MDN1: variants seen among roughly 807,000 people sequenced by gnomAD.
MDN1 encodes midasin AAA ATPase 1, also known as midasin.
Under a neutral mutation model 669.2 loss-of-function variants are expected in MDN1, and 266 were observed. The observed-to-expected ratio is 0.40, with a 90% CI of 0.36 to 0.44. MDN1 has a LOEUF of 0.44. Ranked by LOEUF, MDN1 falls within the 20% of genes least tolerant of loss-of-function variation. The pLI is 1.00. For synonymous variants in MDN1, 2,385 were observed against 2,457.1 expected, an observed-to-expected ratio of 0.97 and a Z score of 0.87; for missense variants, 5,940 against 6,754.0, an observed-to-expected ratio of 0.88 and a Z score of 4.22.
chr6:89,798,079 G>A (rs956871687), intron 2 of MDN1, among the ~76,000 whole-genome samples: 3 of 151,588 alleles, frequency 2.0e-5, no homozygotes, highest in African/African-American at 7.3e-5. Flanking sequence ...CTACTCAGGA[G>A]GCTGAGGCAG....
intron 2 of MDN1, among the ~76,000 whole-genome samples, chr6:89,802,251 C>T (rs9344960): frequency 0.04 from 6,147 of 152,216 alleles, 653 homozygotes; most frequent in East Asian, 0.4. Flanking sequence ...TTTAGAAAAG[C>T]TCAGACCAAC....
intron 73 of MDN1, 77 bp from the exon 74 acceptor site, chr6:89,680,828 G>C: frequency 6.7e-7 from 1 of 1,490,426 alleles, no homozygotes; most frequent in South Asian, 1.3e-5. Context: ...AAATTTAACT[G>C]TTGCACACAA....
chr6:89,692,348 T>C, intron 63 of MDN1, 95 bp downstream of exon 63: 1 of 1,078,576 alleles, frequency 9.3e-7, no homozygotes, highest in South Asian at 1.6e-5. Flanking sequence ...ACACTGTGTA[T>C]CTACTAGGCA....
At chr6:89,737,723 AT>A (rs369806177) in intron 33 of MDN1, among the ~76,000 whole-genome samples, 87,597 of 128,728 alleles carry the variant, frequency 0.68, 29,830 homozygotes, top group East Asian at 0.88. Flanking sequence ...TCCCAGCCTA[AT>A]TTTTTTTTTT....
intron 34 of MDN1, among the ~76,000 whole-genome samples, chr6:89,731,212 T>C (rs1405680557): frequency 6.6e-6 from 1 of 152,218 alleles, no homozygotes; most frequent in Non-Finnish European, 1.5e-5. Flanking sequence ...TTTTTATTTA[T>C]ATTTCAAATC....
intron 37 of MDN1, among the ~76,000 whole-genome samples, chr6:89,726,482 G>GAAAAAAAAAAAAAGAAAAAAA (rs1815245712): frequency 9.9e-5 from 9 of 90,930 alleles, no homozygotes; most frequent in South Asian, 4.0e-4. Context: ...AAGAAAAATA[G>GAAAAAAAAAAAAAGAAAAAAA]AAAAAAAAAA....
chr6:89,743,378 T>A, intron 30 of MDN1, 98 bp from the exon 31 acceptor site: 2 of 1,489,576 alleles, frequency 1.3e-6, no homozygotes, highest in African/African-American at 1.4e-5. Context: ...GTAGGCATTC[T>A]GAGGAAAGTA....
At chr6:89,767,474 G>C (rs1489606841) in intron 15 of MDN1, among the ~76,000 whole-genome samples, 1 of 152,112 alleles carries the variant, frequency 6.6e-6, no homozygotes, top group Non-Finnish European at 1.5e-5. Flanking sequence ...AATCAATCTA[G>C]GGCAGGGCAC....
In MDN1 at chr6:89,761,779, A is replaced by G. The variant is rs757555572; in HGVS notation, c.2357-31T>C. On this transcript the variant is annotated intron_variant, in intron 16 of 101. Coordinates refer to ENST00000369393, the MANE Select transcript of MDN1 (RefSeq NM_014611.3). ...AAAGAAAGACAAGAATTCAGCACAC[A>G]TTTTGAATTGTAATATATACAACTT... The G allele has an allele frequency of 4.1e-6, 6 of 1,449,070 alleles. No individual in the cohort carries two copies. In the South Asian group the frequency reaches 7.2e-5, roughly 17 times the overall value. 89.8% of individuals were successfully genotyped at this position (1,449,070 alleles called of 1,614,324 possible). A position where few individuals can be genotyped will look rare whatever the true frequency, so the allele number is the denominator to read the frequency against.
chr6:89,812,371 G>A (rs1030581180), intron 1 of MDN1, among the ~76,000 whole-genome samples: 1 of 152,066 alleles, frequency 6.6e-6, no homozygotes, highest in Non-Finnish European at 1.5e-5. Flanking sequence ...GATTGTCTGA[G>A]CTCAGCCACT....
At position 89,681,331 on chromosome 6, in the gene MDN1, G is replaced by A. The variant is rs1811603258; in HGVS notation, c.12103-580C>T. Among the ~76,000 whole-genome samples, 4 of 152,078 alleles carry A rather than the reference G, an allele frequency of 2.6e-5. No homozygotes were observed. In the South Asian group the frequency reaches 8.3e-4, roughly 32 times the overall value. On this transcript the variant is annotated intron_variant, in intron 73 of 101. Coordinates refer to ENST00000369393, the MANE Select transcript of MDN1 (RefSeq NM_014611.3). The stretch of plus-strand genomic sequence containing the variant: ...TGGGATTGCAGGCATGCATCACCAT[G>A]CCTGGCTATTTTTTGTATTTTTAAT...
chr6:89,786,677 C>T (rs13217672), intron 8 of MDN1, among the ~76,000 whole-genome samples: 17,038 of 151,792 alleles, frequency 0.11, 1,269 homozygotes, highest in Middle Eastern at 0.21. Context: ...GCCTGTAATC[C>T]CAGCACATCA....
intron 29 of MDN1, 117 bp downstream of exon 29, chr6:89,745,156 A>AAAAAAAG: frequency 8.7e-7 from 1 of 1,152,984 alleles, no homozygotes; most frequent in Non-Finnish European, 1.2e-6. Context: ...AAAAAAAGAA[A>AAAAAAAG]AAAGAGGAAG....
At position 89,675,575 on chromosome 6, in the gene MDN1, A is replaced by T. The variant is rs1301712597; in HGVS notation, c.12650T>A (p.Met4217Lys). 6 of 1,613,138 alleles carry T rather than the reference A, an allele frequency of 3.7e-6. No homozygotes were observed. The highest frequency in any genetic ancestry group is 5.1e-6 in the Non-Finnish European group (6 of 1,179,560). ...GCACCTCTCCACGTTGCCCATGCCCATTTCCTGGCAGAAGAAGGAAAAACA... is the reference window on the plus strand; with the variant it reads ...GCACCTCTCCACGTTGCCCATGCCCTTTTCCTGGCAGAAGAAGGAAAAACA... ...NAALATPAKEMGMGNVERCRG... is the reference protein window; with the variant it reads ...NAALATPAKEKGMGNVERCRG... Residue 4217 changes from methionine (M) to lysine (K), a missense_variant, in exon 78 of 102, where the codon ATG (methionine) becomes AAG (lysine). Physicochemically the swap from Met to Lys is moderately conservative, Grantham distance 95. Around this residue, in one of 5 missense-constraint regions of MDN1, gnomAD observed 2,280 missense variants for 2,576.3 expected, o/e 0.88. Coordinates refer to ENST00000369393, the MANE Select transcript of MDN1 (RefSeq NM_014611.3).
Position 89,692,716 on chromosome 6 carries a change from G to C in MDN1, c.10314C>G (p.Ala3438=). 6.2e-7 allele frequency: 1 copy of C among 1,614,230 alleles called. No homozygotes were observed. Among genetic ancestry groups the C allele is most frequent in the South Asian group, 1.1e-5 (1 of 91,076 alleles). Residue 3438 remains alanine, a synonymous_variant, in exon 63 of 102, where the codon GCC becomes GCG. Transcript: ENST00000369393. The stretch of plus-strand genomic sequence containing the variant: ...GGCCCACCGATGGGAAAGCCAGCAA[G>C]GCTGTGGCCAGGGTCCCCAGCCTGT... ...GADRLGTLAT[A]LLAFPSVGPT...
intron 43 of MDN1, among the ~76,000 whole-genome samples, chr6:89,718,149 G>A (rs1243839061): frequency 6.6e-6 from 1 of 152,110 alleles, no homozygotes; most frequent in African/African-American, 2.4e-5. Context: ...AAACCATAAA[G>A]CAACGTAACC....
At chr6:89,726,122 C>T (rs1243578865) in intron 37 of MDN1, among the ~76,000 whole-genome samples, 1 of 151,948 alleles carries the variant, frequency 6.6e-6, no homozygotes. Context: ...AAAAACTTGC[C>T]AATACACAGA....
chr6:89,674,650 T>C (rs1811062176), intron 78 of MDN1, 61 bp from the exon 79 acceptor site: 6 of 1,488,692 alleles, frequency 4.0e-6, no homozygotes, highest in Non-Finnish European at 5.3e-6. Flanking sequence ...CTTTACCACA[T>C]TGTTTTAAAA....
chr6:89,814,204 G>A (rs980767557), intron 1 of MDN1, among the ~76,000 whole-genome samples: 1 of 152,086 alleles, frequency 6.6e-6, no homozygotes, highest in African/African-American at 2.4e-5. Flanking sequence ...GCTGGGAATG[G>A]GTGGTCAGAC....
Sources: gnomAD v4.1 joint callset for allele counts (sites outside exome capture counted in the v4.1 genomes callset) on GRCh38, gnomAD v4.1.1 for gene constraint, gnomAD v4.1.1 regional missense constraint, MANE v1.5 for transcripts, NCBI Gene and HGNC (gene_info 2026-07-23, HGNC 2026-07-21) for gene names.